Variants in LNX1 observed in about 807,000 individuals in gnomAD.
LNX1 encodes ligand of numb-protein X 1.
LNX1 carries 54 observed loss-of-function variants against 68.4 expected under a neutral mutation model. The observed-to-expected ratio is 0.79, with a 90% CI of 0.63 to 0.99. LNX1 has a LOEUF of 0.99. LNX1 is among the 50% of genes least tolerant of loss of function. LNX1 has a pLI of 0.00. For missense variants in LNX1, 906 were observed against 926.4 expected, an observed-to-expected ratio of 0.98 and a Z score of 0.29; for synonymous variants, 336 against 350.0, an observed-to-expected ratio of 0.96 and a Z score of 0.45.
intron 6 of LNX1, among the ~76,000 whole-genome samples, chr4:53,484,604 A>G (rs1282846707): frequency 6.6e-6 from 1 of 152,116 alleles, no homozygotes; most frequent in African/African-American, 2.4e-5. Flanking sequence ...CCATCCACCA[A>G]TGAAACAATA....
chr4:53,546,766 G>C (rs1010570364), intron 2 of LNX1, among the ~76,000 whole-genome samples: 9 of 152,174 alleles, frequency 5.9e-5, no homozygotes, highest in African/African-American at 2.2e-4. Context: ...ATAGGAAAGA[G>C]GAGCTGCAGT....
rs1370819298 is a variant in LNX1 at position 53,498,821 on chromosome 4, C to T, written c.798G>A (p.Leu266=). The change falls in exon 5 of 11, where the codon CTG becomes CTA. Residue 266 remains leucine, a synonymous_variant. Transcript: ENST00000263925. ...TGCTGGTAATTTCACCATCTGGAAT[C>T]AGGTGGTACAACCTTGGAAAGACTG... The part of the protein sequence containing the change: ...APEVFPRLYH[L]IPDGEITSIK... The T allele has an allele frequency of 1.2e-6, 2 of 1,613,668 alleles. No homozygotes were observed. Among genetic ancestry groups the T allele is most frequent in the Admixed American group, 1.7e-5 (1 of 60,000 alleles).
At chr4:53,521,991 G>T (rs1727260926) in intron 2 of LNX1, among the ~76,000 whole-genome samples, 2 of 151,720 alleles carry the variant, frequency 1.3e-5, no homozygotes, top group African/African-American at 4.8e-5. Context: ...TTTTTGTAGA[G>T]ACTATGTTGC....
chr4:53,586,479 A>G (rs893307692), intron 1 of LNX1, among the ~76,000 whole-genome samples: 1 of 152,192 alleles, frequency 6.6e-6, no homozygotes, highest in Admixed American at 6.5e-5. Context: ...GCCTGTGACA[A>G]ATGCGTCAAA....
intron 2 of LNX1, among the ~76,000 whole-genome samples, chr4:53,510,149 G>C (rs768102630): frequency 3.3e-5 from 5 of 152,146 alleles, no homozygotes; most frequent in Non-Finnish European, 7.4e-5. Flanking sequence ...ATTCAAAAAG[G>C]ATTGCCTATT....
intron 1 of LNX1, chr4:53,576,082 G>T: frequency 1.3e-6 from 2 of 1,553,264 alleles, no homozygotes; most frequent in East Asian, 2.4e-5. Context: ...AGACCTGGTC[G>T]GGGACTTGGC....
At chr4:53,605,527 C>T (rs1577786914) in intron 2 of LNX1, among the ~76,000 whole-genome samples, 1 of 152,238 alleles carries the variant, frequency 6.6e-6, no homozygotes, top group East Asian at 1.9e-4. Context: ...TACTTTAGAT[C>T]TCTAGACTTA....
chr4:53,648,832 C>T (rs964322516), intron 1 of LNX1, among the ~76,000 whole-genome samples: 4 of 152,282 alleles, frequency 2.6e-5, no homozygotes, highest in Middle Eastern at 3.4e-3. Context: ...TGCAGAATTG[C>T]TTTAGTGATA....
chr4:53,524,601 C>T (rs547864062), intron 2 of LNX1, among the ~76,000 whole-genome samples: 49 of 152,298 alleles, frequency 3.2e-4, no homozygotes, highest in Non-Finnish European at 5.7e-4. Context: ...GTCTGTAATG[C>T]TTTAAGCCTA....
chr4:53,528,855 G>GCCATCC (rs2109608588), intron 2 of LNX1, among the ~76,000 whole-genome samples: 1 of 152,246 alleles, frequency 6.6e-6, no homozygotes, highest in Non-Finnish European at 1.5e-5. Context: ...CATAGCCAAA[G>GCCATCC]GTATTGGCTC....
intron 1 of LNX1, among the ~76,000 whole-genome samples, chr4:53,641,238 G>A (rs539261989): frequency 6.6e-6 from 1 of 152,322 alleles, no homozygotes; most frequent in South Asian, 2.1e-4. Context: ...TCTCTAAGAA[G>A]GAGGGATTTC....
At chr4:53,651,640 G>T (rs556193703) in intron 1 of LNX1, among the ~76,000 whole-genome samples, 1 of 152,182 alleles carries the variant, frequency 6.6e-6, no homozygotes. Context: ...GAGACAGGAT[G>T]TGCTGCTGGT....
intron 1 of LNX1, among the ~76,000 whole-genome samples, chr4:53,629,180 C>A (rs1734180723): frequency 1.3e-5 from 2 of 151,960 alleles, no homozygotes; most frequent in South Asian, 4.2e-4. Flanking sequence ...AGACACTGTC[C>A]ACGGCAAATA....
intron 8 of LNX1, among the ~76,000 whole-genome samples, chr4:53,477,297 CT>C (rs1169564591): frequency 6.6e-6 from 1 of 152,140 alleles, no homozygotes; most frequent in Non-Finnish European, 1.5e-5. Flanking sequence ...AGAAAACCTA[CT>C]TTTTCACTCT....
chr4:53,564,012 C>T (rs1007438170), intron 2 of LNX1, among the ~76,000 whole-genome samples: 1 of 152,192 alleles, frequency 6.6e-6, no homozygotes, highest in Non-Finnish European at 1.5e-5. Flanking sequence ...CCCACGCCTC[C>T]CTGATGTGGG....
intron 2 of LNX1, among the ~76,000 whole-genome samples, chr4:53,522,408 C>T (rs968461010): frequency 1.3e-5 from 2 of 152,176 alleles, no homozygotes; most frequent in African/African-American, 4.8e-5. Flanking sequence ...GCTTGGTGCT[C>T]CTATGACTCT....
At chr4:53,580,090 G>C (rs1447659270) in intron 1 of LNX1, among the ~76,000 whole-genome samples, 3 of 152,176 alleles carry the variant, frequency 2.0e-5, no homozygotes, top group Non-Finnish European at 4.4e-5. Context: ...AAGGAAGCCT[G>C]ACAGATGAGA....
In LNX1 at chr4:53,574,043, A is replaced by C; in HGVS notation, c.-41T>G. 2 of 1,566,454 alleles carry C rather than the reference A, an allele frequency of 1.3e-6. No homozygotes were observed. Among genetic ancestry groups the C allele is most frequent in the Non-Finnish European group, 1.7e-6 (2 of 1,155,924 alleles). ...AGTATAACAGGAAACTCAGTCACAC[A>C]ATATTTCCTCAGGAGCAAGTCAAGA... is the stretch of plus-strand genomic sequence containing the variant. On this transcript the variant is annotated 5_prime_UTR_variant, in exon 2 of 11. The change creates a new upstream start codon in the 5' untranslated region. Coordinates refer to ENST00000263925, the MANE Select transcript of LNX1 (RefSeq NM_001126328.3).
intron 1 of LNX1, among the ~76,000 whole-genome samples, chr4:53,650,148 G>A (rs1425369396): frequency 1.3e-5 from 2 of 152,204 alleles, no homozygotes; most frequent in African/African-American, 4.8e-5. Flanking sequence ...TGCCCTGCCT[G>A]TATGGAGGAG....
Sources: gnomAD v4.1 joint callset for allele counts (sites outside exome capture counted in the v4.1 genomes callset) on GRCh38, gnomAD v4.1.1 for gene constraint, MANE v1.5 for transcripts, NCBI Gene and HGNC (gene_info 2026-07-23, HGNC 2026-07-21) for gene names.